Variants in MAP2K4 observed in about 807,000 individuals in gnomAD.
The protein encoded by MAP2K4 is dual specificity mitogen-activated protein kinase kinase 4.
A neutral mutation model predicts 48.5 loss-of-function variants in MAP2K4; 4 were observed. The ratio of observed to expected loss-of-function variants is 0.08; its 90% CI spans 0.04 to 0.19. The LOEUF is 0.19. MAP2K4 is among the 10% of genes least tolerant of loss of function. The probability of loss-of-function intolerance (pLI) is 1.00; values close to 1 mark genes in which losing one functional copy is unlikely to be tolerated. For synonymous variants in MAP2K4, 166 were observed against 173.1 expected (o/e 0.96, Z 0.32); for missense variants, 258 against 493.3 (o/e 0.52, Z 4.52).
chr17:12,084,005 A>T (rs936854533), intron 3 of MAP2K4, among the ~76,000 whole-genome samples: 7 of 152,232 alleles, frequency 4.6e-5, no homozygotes, highest in African/African-American at 1.7e-4. Flanking sequence ...GCATTATTAG[A>T]TGTTAAGCTG....
At chr17:12,027,206 A>G (rs769237651) in intron 1 of MAP2K4, among the ~76,000 whole-genome samples, 4 of 152,194 alleles carry the variant, frequency 2.6e-5, no homozygotes, top group Non-Finnish European at 5.9e-5. Flanking sequence ...TTCAAGTCGT[A>G]AGACTGGCCT....
rs550437044 is a variant in MAP2K4 at position 12,056,298 on chromosome 17, A to T, written c.218+1307A>T. Among the ~76,000 whole-genome samples the T allele has an allele frequency of 1.4e-4, 21 of 150,884 alleles. No individual in the cohort carries two copies. The South Asian group carries it at 4.5e-3, about 32-fold the overall frequency. ...GAGAAAGACAACCTGACTTAAATTAAAACTGGAAAAACATTCATCTATTTG... is the reference window on the plus strand; with the variant it reads ...GAGAAAGACAACCTGACTTAAATTATAACTGGAAAAACATTCATCTATTTG... On this transcript the variant is annotated intron_variant, in intron 2 of 10. Transcript: ENST00000353533.
intron 1 of MAP2K4, chr17:12,032,332 AT>A: frequency 4.3e-6 from 5 of 1,157,642 alleles, no homozygotes; most frequent in Non-Finnish European, 4.6e-6. Flanking sequence ...TATGCTATTT[AT>A]TTTTTTCATA....
intron 3 of MAP2K4, among the ~76,000 whole-genome samples, chr17:12,093,357 A>T (rs1480895081): frequency 6.6e-6 from 1 of 152,324 alleles, no homozygotes; most frequent in South Asian, 2.1e-4. Flanking sequence ...AGTGTTAGGT[A>T]TCAGTAAGAT....
At chr17:12,034,879 A>G (rs1185775984) in intron 1 of MAP2K4, among the ~76,000 whole-genome samples, 1 of 152,178 alleles carries the variant, frequency 6.6e-6, no homozygotes, top group East Asian at 1.9e-4. Flanking sequence ...GGATCCAACA[A>G]TGGGCCTACC....
At chr17:12,067,516 C>T (rs62061000) in intron 2 of MAP2K4, among the ~76,000 whole-genome samples, 25,602 of 152,078 alleles carry the variant, frequency 0.17, 2,538 homozygotes, top group South Asian at 0.3. Context: ...TTCTTAGGAC[C>T]ACTGGTACAG....
intron 1 of MAP2K4, among the ~76,000 whole-genome samples, chr17:12,021,932 C>G (rs911120721): frequency 6.6e-6 from 1 of 152,054 alleles, no homozygotes; most frequent in Non-Finnish European, 1.5e-5. Context: ...AGGCCAGGCC[C>G]GAGCCTGTTA....
chr17:12,030,498 G>C (rs1258518728), intron 1 of MAP2K4, among the ~76,000 whole-genome samples: 2 of 152,128 alleles, frequency 1.3e-5, no homozygotes, highest in Admixed American at 6.5e-5. Flanking sequence ...TTCTGTACTG[G>C]TGACAGAATT....
chr17:12,137,952 T>C (rs978332202), intron 9 of MAP2K4, among the ~76,000 whole-genome samples: 1 of 152,180 alleles, frequency 6.6e-6, no homozygotes, highest in East Asian at 1.9e-4. Context: ...ATCATTTATG[T>C]ATTGAAGCAA....
At chr17:12,090,281 C>T (rs1403801143) in intron 3 of MAP2K4, among the ~76,000 whole-genome samples, 1 of 152,116 alleles carries the variant, frequency 6.6e-6, no homozygotes, top group Non-Finnish European at 1.5e-5. Context: ...CATCAGGACA[C>T]CGGCAGTCAC....
chr17:12,044,384 C>G (rs1264920133), intron 1 of MAP2K4, among the ~76,000 whole-genome samples: 1 of 152,156 alleles, frequency 6.6e-6, no homozygotes, highest in Non-Finnish European at 1.5e-5. Context: ...TTATTCTAAT[C>G]TACTTGCTAA....
At chr17:12,056,397 C>T (rs1970283444) in intron 2 of MAP2K4, among the ~76,000 whole-genome samples, 1 of 151,984 alleles carries the variant, frequency 6.6e-6, no homozygotes, top group African/African-American at 2.4e-5. Context: ...ATAGTAAACA[C>T]AGGGTGGAAA....
chr17:12,103,872 GTAT>G (rs1330362917), intron 4 of MAP2K4, among the ~76,000 whole-genome samples: 4 of 152,016 alleles, frequency 2.6e-5, no homozygotes, highest in Admixed American at 6.6e-5. Context: ...TTTAACTGTA[GTAT>G]TCTAATGATT....
chr17:12,113,154 A>T, intron 6 of MAP2K4, 79 bp from the exon 7 acceptor site: 1 of 1,395,422 alleles, frequency 7.2e-7, no homozygotes, highest in Admixed American at 1.9e-5. Flanking sequence ...AAGGTTTTTC[A>T]ATATTTTTGC....
intron 8 of MAP2K4, among the ~76,000 whole-genome samples, chr17:12,128,853 C>T (rs947574333): frequency 2.0e-5 from 3 of 152,182 alleles, no homozygotes; most frequent in African/African-American, 7.2e-5. Flanking sequence ...ACAGGCTGCC[C>T]TGGAGCATGC....
intron 7 of MAP2K4, among the ~76,000 whole-genome samples, chr17:12,120,720 G>A (rs1201821078): frequency 6.6e-6 from 1 of 152,082 alleles, no homozygotes; most frequent in Non-Finnish European, 1.5e-5. Flanking sequence ...ATTTTACAAA[G>A]CCATCTAGCA....
intron 1 of MAP2K4, chr17:12,021,604 C>G (rs1334511968): frequency 1.6e-5 from 2 of 128,944 alleles, no homozygotes; most frequent in Non-Finnish European, 3.2e-5. Flanking sequence ...TTTCTGTGCG[C>G]TGGAAGGGAT....
At chr17:12,084,923 G>T (rs1971310057) in intron 3 of MAP2K4, among the ~76,000 whole-genome samples, 1 of 144,990 alleles carries the variant, frequency 6.9e-6, no homozygotes, top group East Asian at 2.0e-4. Flanking sequence ...GGACACAGGA[G>T]AAAAGAGAGT....
intron 2 of MAP2K4, among the ~76,000 whole-genome samples, chr17:12,075,575 A>G (rs1199644129): frequency 6.6e-6 from 1 of 152,228 alleles, no homozygotes; most frequent in Non-Finnish European, 1.5e-5. Flanking sequence ...CAGGGGCGCT[A>G]TCTCAGGCAG....
Sources: gnomAD v4.1 joint callset for allele counts (sites outside exome capture counted in the v4.1 genomes callset) on GRCh38, gnomAD v4.1.1 for gene constraint, MANE v1.5 for transcripts, NCBI Gene and HGNC (gene_info 2026-07-23, HGNC 2026-07-21) for gene names.